The following APLP2 variants were observed in gnomAD, a reference collection of about 807,000 sequenced individuals.
The protein encoded by APLP2 is CDEI box-binding protein.
In APLP2, 53 loss-of-function variants were observed where a neutral mutation model predicts 89.9. The observed-to-expected ratio is 0.59, with a 90% CI of 0.47 to 0.74. The LOEUF is 0.74. APLP2 is among the 30% of genes least tolerant of loss of function. The pLI, the probability that APLP2 is intolerant of heterozygous loss-of-function variation, is 0.00. For synonymous variants in APLP2, 372 were observed against 348.6 expected (o/e 1.07, Z -0.75); for missense variants, 973 against 975.9 (o/e 1.00, Z 0.04).
intron 9 of APLP2, among the ~76,000 whole-genome samples, chr11:130,128,163 AT>A (rs565067207): frequency 6.6e-6 from 1 of 152,086 alleles, no homozygotes; most frequent in African/African-American, 2.4e-5. Flanking sequence ...GCAGTACTGA[AT>A]TTTTTTTAAG....
intron 12 of APLP2, among the ~76,000 whole-genome samples, chr11:130,135,306 T>C (rs1331932998): frequency 6.6e-6 from 1 of 152,208 alleles, no homozygotes; most frequent in East Asian, 1.9e-4. Context: ...ACCTTAAATA[T>C]GTACAATTTT....
intron 1 of APLP2, chr11:130,070,588 G>T: frequency 7.5e-7 from 1 of 1,342,220 alleles, no homozygotes; most frequent in Non-Finnish European, 9.5e-7. Context: ...GGTGGACGCG[G>T]CCCCGGCCTT....
intron 1 of APLP2, among the ~76,000 whole-genome samples, chr11:130,084,217 G>A (rs1050015863): frequency 6.6e-6 from 1 of 151,730 alleles, no homozygotes; most frequent in African/African-American, 2.4e-5. Context: ...CTGCACTCCA[G>A]CCTGGGCGAT....
intron 3 of APLP2, among the ~76,000 whole-genome samples, chr11:130,117,820 C>T (rs1949368911): frequency 1.3e-5 from 2 of 152,250 alleles, no homozygotes. Context: ...CGCCTGTAAT[C>T]CCAACACTTG....
chr11:130,088,393 G>A (rs908491008), intron 1 of APLP2, among the ~76,000 whole-genome samples: 4 of 152,124 alleles, frequency 2.6e-5, no homozygotes, highest in Admixed American at 2.6e-4. Context: ...GTCTATCTTT[G>A]GGAAAATCTC....
At chr11:130,094,028 A>C in intron 1 of APLP2, among the ~76,000 whole-genome samples, 1 of 141,746 alleles carries the variant, frequency 7.1e-6, no homozygotes. Flanking sequence ...TACAGGCGTG[A>C]GCCACCACTC....
chr11:130,137,261 C>G, intron 13 of APLP2: 1 of 1,614,104 alleles, frequency 6.2e-7, no homozygotes, highest in Non-Finnish European at 8.5e-7. Flanking sequence ...GCTAGACACT[C>G]AGCCGGAGTT....
At chr11:130,110,464 C>T in intron 2 of APLP2, 74 bp from the exon 3 acceptor site, 1 of 1,561,296 alleles carries the variant, frequency 6.4e-7, no homozygotes. Context: ...TAAACTTAGA[C>T]ACTCCATCCT....
chr11:130,085,354 A>C (rs1943937811), intron 1 of APLP2, among the ~76,000 whole-genome samples: 2 of 152,138 alleles, frequency 1.3e-5, no homozygotes, highest in African/African-American at 4.8e-5. Context: ...CCGGAGGCTG[A>C]GGCAGGAGAA....
Position 130,123,596 on chromosome 11 carries a change from G to A in APLP2, c.923-16G>A. 1.2e-6 allele frequency: 2 copies of A among 1,609,620 alleles called. No individual in the cohort carries two copies. Among genetic ancestry groups the A allele is most frequent in the Non-Finnish European group, 8.5e-7 (1 of 1,178,028 alleles). On this transcript the variant is annotated splice_polypyrimidine_tract_variant and intron_variant, in intron 6 of 16. Coordinates refer to ENST00000338167, the MANE Select transcript of APLP2 (RefSeq NM_001142276.2). The surrounding 1 kb of genome is among the most constrained non-coding windows in gnomAD (Gnocchi z 4.0). ...ACTGCCTCTGTCCTGCTGACACTCT[G>A]ACCATTTTCACACAGCTGTCTGCTC...
At chr11:130,097,779 G>A (rs528960701) in intron 1 of APLP2, among the ~76,000 whole-genome samples, 2 of 152,336 alleles carry the variant, frequency 1.3e-5, no homozygotes, top group East Asian at 1.9e-4. Context: ...GTTTTAAATA[G>A]ATAAGGTTGT....
rs796921594 is a variant in APLP2, at chr11:130,126,693, G to C, written c.1091-7G>C. 1.2e-6 allele frequency: 2 copies of C among 1,613,532 alleles called. No individual in the cohort carries two copies. The highest frequency in any genetic ancestry group is 2.2e-5 in the East Asian group (1 of 44,852). On this transcript the variant is annotated splice_region_variant and splice_polypyrimidine_tract_variant and intron_variant, in intron 7 of 16. Transcript: ENST00000338167. ...CAAAGAGAACTCCCTCTGTAATTTT[G>C]TTTCAGTTCCTCCAACTCCTCTGCC...
intron 1 of APLP2, among the ~76,000 whole-genome samples, chr11:130,099,082 T>C (rs1946575064): frequency 6.6e-6 from 1 of 152,162 alleles, no homozygotes; most frequent in African/African-American, 2.4e-5. Flanking sequence ...AGTTCAAATG[T>C]TAAGCCCAAC....
At chr11:130,125,900 CAG>C (rs1017439105) in intron 7 of APLP2, among the ~76,000 whole-genome samples, 7 of 152,182 alleles carry the variant, frequency 4.6e-5, no homozygotes, top group Admixed American at 1.3e-4. Context: ...TTCCATCGTG[CAG>C]AGACTTGCTT....
Position 130,129,219 on chromosome 11 carries a change from C to G in APLP2, c.1455+13C>G. On this transcript the variant is annotated intron_variant, in intron 10 of 16. Coordinates refer to ENST00000338167, the MANE Select transcript of APLP2 (RefSeq NM_001142276.2). ...TGACCCGCCACGGGTGAGTCCTGCC[C>G]CTAGCACTGCCTGCCCTGAGGTGGT... The G allele has an allele frequency of 6.2e-7, 1 of 1,606,596 alleles. No homozygotes were observed. Among genetic ancestry groups the G allele is most frequent in the South Asian group, 1.1e-5 (1 of 90,540 alleles).
intron 1 of APLP2, among the ~76,000 whole-genome samples, chr11:130,104,854 T>C (rs573464875): frequency 3.3e-5 from 5 of 152,324 alleles, no homozygotes; most frequent in South Asian, 2.1e-4. Flanking sequence ...CTGATAGATA[T>C]TGGCAACATT....
chr11:130,102,567 A>C (rs897684622), intron 1 of APLP2, among the ~76,000 whole-genome samples: 1 of 152,164 alleles, frequency 6.6e-6, no homozygotes, highest in African/African-American at 2.4e-5. Flanking sequence ...TAGTAGCTTC[A>C]ATGAGGGCAG....
chr11:130,070,498 C>T lies in APLP2; in HGVS notation c.105+416C>T, dbSNP rs1591744651. On this transcript the variant is annotated intron_variant, in intron 1 of 16. Coordinates refer to ENST00000338167, the MANE Select transcript of APLP2 (RefSeq NM_001142276.2). ...CTCCAGGGGCGGCCCCGCGCGGACC[C>T]CGTACGCTCCCTCGCGCGGCACCGG... The T allele has an allele frequency of 1.2e-5, 15 of 1,201,450 alleles. 1 individual carries two copies. The South Asian group carries it at 3.9e-4, about 31-fold the overall frequency. 74.4% of individuals were successfully genotyped at this position (1,201,450 alleles called of 1,614,324 possible).
intron 3 of APLP2, among the ~76,000 whole-genome samples, chr11:130,112,111 T>C (rs562380289): frequency 6.6e-6 from 1 of 152,316 alleles, no homozygotes; most frequent in East Asian, 1.9e-4. Context: ...CTTATAGTCA[T>C]GATTTTCAAA....
Sources: allele counts gnomAD v4.1 joint callset (sites outside exome capture counted in the v4.1 genomes callset), GRCh38; gene constraint gnomAD v4.1.1; non-coding constraint Gnocchi (gnomAD v3.1); transcripts MANE v1.5; gene names NCBI Gene and HGNC (gene_info 2026-07-23, HGNC 2026-07-21).